Variants in RUFY2 observed in about 807,000 individuals in gnomAD.
The protein encoded by RUFY2 is RUN and FYVE domain-containing protein 2.
A neutral mutation model predicts 94.4 loss-of-function variants in RUFY2; 49 were observed. The observed-to-expected ratio is 0.52, with a 90% CI of 0.41 to 0.66. The LOEUF (loss-of-function observed/expected upper bound fraction) is 0.66. Among genes scored for constraint, RUFY2 ranks in the 30% least tolerant of loss-of-function variants. RUFY2 has a pLI of 0.00. For synonymous variants in RUFY2, 255 were observed against 235.7 expected (o/e 1.08, Z -0.75); for missense variants, 541 against 692.8 (o/e 0.78, Z 2.46).
intron 4 of RUFY2, among the ~76,000 whole-genome samples, chr10:68,395,493 G>A (rs1403188153): frequency 2.0e-5 from 3 of 152,086 alleles, no homozygotes; most frequent in Admixed American, 1.3e-4. Flanking sequence ...TAAAGACTAA[G>A]GTAGAAAATG....
intron 6 of RUFY2, 100 bp from the exon 7 acceptor site, chr10:68,393,303 A>G: frequency 1.7e-6 from 1 of 580,058 alleles, no homozygotes; most frequent in Non-Finnish European, 2.9e-6. Context: ...TAAAATAATA[A>G]AACATTGTCT....
Position 68,345,877 on chromosome 10 carries a change from T to A in RUFY2, c.1712A>T (p.Asn571Ile). 1 of 1,614,132 alleles carries A rather than the reference T, an allele frequency of 6.2e-7. No individual in the cohort carries two copies. The highest frequency in any genetic ancestry group is 8.5e-7 in the Non-Finnish European group (1 of 1,180,010). ...HCRNCGEIFC[N>I]ACSDNELPLP... ...AGGTAGTTCGTTGTCAGAGCAGGCA[T>A]TACAGAAAATTTCCCCACAATTTCT... Residue 571 changes from asparagine to isoleucine, a missense_variant, in exon 18 of 18, where the codon AAT becomes ATT. Around this residue, in one of 3 missense-constraint regions of RUFY2, gnomAD observed 403 missense variants for 480.7 expected, o/e 0.84. Transcript: ENST00000602465.
At chr10:68,342,199 T>G (rs2046009233), downstream of RUFY2, 2 of 574,546 alleles carry the variant, frequency 3.5e-6, no homozygotes, top group Non-Finnish European at 6.0e-6. Flanking sequence ...AGCAACAGAT[T>G]GTGATGGGAA....
chr10:68,393,257 C>G (rs952900388), intron 6 of RUFY2, 54 bp from the exon 7 acceptor site: 3 of 865,542 alleles, frequency 3.5e-6, no homozygotes, highest in Non-Finnish European at 3.6e-6. Context: ...TTATTAAGCA[C>G]AAAAAAATCT....
chr10:68,371,088 C>T (rs554695515), intron 13 of RUFY2, among the ~76,000 whole-genome samples: 11 of 148,644 alleles, frequency 7.4e-5, no homozygotes, highest in South Asian at 6.4e-4. Flanking sequence ...GCTGAGACCG[C>T]GCCACTGCAC....
At chr10:68,403,793 C>CT (rs34271308) in intron 2 of RUFY2, among the ~76,000 whole-genome samples, 5,704 of 140,186 alleles carry the variant, frequency 0.041, 120 homozygotes, top group Non-Finnish European at 0.05. Context: ...ATCTTTGAAT[C>CT]TTTTTTTTTT....
chr10:68,341,888 A>G (rs1564758370), downstream of RUFY2: 1 of 1,590,372 alleles, frequency 6.3e-7, no homozygotes. Context: ...TAGTCCGCAT[A>G]TGTAGTGCAA....
intron 8 of RUFY2, among the ~76,000 whole-genome samples, chr10:68,384,897 C>T (rs1230696238): frequency 6.6e-6 from 1 of 152,100 alleles, no homozygotes; most frequent in East Asian, 1.9e-4. Context: ...GATCAGGAGC[C>T]CAACCATCAA....
chr10:68,392,038 T>C (rs2050035322), intron 7 of RUFY2, among the ~76,000 whole-genome samples: 1 of 151,804 alleles, frequency 6.6e-6, no homozygotes, highest in Non-Finnish European at 1.5e-5. Context: ...TCTTTTTTTT[T>C]TTTGAGACGG....
At chr10:68,346,122 A>C (rs1318720676) in intron 16 of RUFY2, 38 bp from the exon 17 acceptor site, 1 of 1,497,944 alleles carries the variant, frequency 6.7e-7, no homozygotes, top group Non-Finnish European at 9.1e-7. Flanking sequence ...AATTGGTAAC[A>C]CTAAAAATTA....
chr10:68,402,122 C>CTT (rs879793660), intron 2 of RUFY2, among the ~76,000 whole-genome samples: 1 of 143,808 alleles, frequency 7.0e-6, no homozygotes, highest in African/African-American at 2.5e-5. Flanking sequence ...TTTATAATGC[C>CTT]TTTTTTTTTT....
Position 68,401,627 on chromosome 10 carries a change from C to T in RUFY2, c.289G>A (p.Gly97Ser). The T allele has an allele frequency of 6.2e-7, 1 of 1,607,262 alleles. No individual in the cohort carries two copies. Among genetic ancestry groups the T allele is most frequent in the Non-Finnish European group, 8.5e-7 (1 of 1,173,806 alleles). ...EIGASVRDLP[G>S]LKTPLGRARA... ...AGTAATAGGCCTCCTTACTTCAGAC[C>T]AGGTAGATCCCGGACACTAGCTCCT... Residue 97 changes from glycine (G) to serine (S), a missense_variant, in exon 3 of 18, where the codon GGT becomes AGT. Gly to Ser is a moderately conservative substitution (Grantham distance 56). This residue lies in a region of RUFY2 where 85 missense variants were observed against 153.4 expected (regional missense o/e 0.55). Transcript: ENST00000602465.
At chr10:68,392,792 G>A (rs2050100747) in intron 7 of RUFY2, among the ~76,000 whole-genome samples, 1 of 151,262 alleles carries the variant, frequency 6.6e-6, no homozygotes, top group African/African-American at 2.4e-5. Flanking sequence ...ATTAGGTGTG[G>A]TGGTGCGCGC....
At chr10:68,397,598 T>TA (rs1367848112) in intron 3 of RUFY2, among the ~76,000 whole-genome samples, 2 of 143,234 alleles carry the variant, frequency 1.4e-5, no homozygotes, top group East Asian at 2.1e-4. Flanking sequence ...AATTTAAAAA[T>TA]AAAAAAAATT....
chr10:68,349,641 C>T (rs2046526167), intron 16 of RUFY2, among the ~76,000 whole-genome samples: 1 of 150,810 alleles, frequency 6.6e-6, no homozygotes, highest in Non-Finnish European at 1.5e-5. Flanking sequence ...CGGGTTCGCG[C>T]CATTCTCCTG....
intron 12 of RUFY2, 116 bp from the exon 13 acceptor site, chr10:68,377,088 A>C: frequency 6.5e-7 from 1 of 1,535,272 alleles, no homozygotes; most frequent in Non-Finnish European, 8.7e-7. Flanking sequence ...AATGAAAACA[A>C]AGTTTGGGGG....
At chr10:68,384,373 T>C (rs1237677219) in intron 8 of RUFY2, among the ~76,000 whole-genome samples, 2 of 152,232 alleles carry the variant, frequency 1.3e-5, no homozygotes, top group Non-Finnish European at 2.9e-5. Flanking sequence ...ATTCCTACTA[T>C]TTTCTTTTAT....
intron 13 of RUFY2, among the ~76,000 whole-genome samples, chr10:68,369,713 G>T (rs1410388836): frequency 6.6e-6 from 1 of 152,006 alleles, no homozygotes; most frequent in Non-Finnish European, 1.5e-5. Flanking sequence ...CTTGAGTCTA[G>T]GAGTTCAAGA....
At chr10:68,358,639 A>G (rs1259944384) in intron 15 of RUFY2, among the ~76,000 whole-genome samples, 1 of 152,210 alleles carries the variant, frequency 6.6e-6, no homozygotes, top group Non-Finnish European at 1.5e-5. Flanking sequence ...GGCTGGGCAC[A>G]GTGGCTCACA....
Sources: gnomAD v4.1 joint callset for allele counts (sites outside exome capture counted in the v4.1 genomes callset) on GRCh38, gnomAD v4.1.1 for gene constraint, gnomAD v4.1.1 regional missense constraint, MANE v1.5 for transcripts, NCBI Gene and HGNC (gene_info 2026-07-23, HGNC 2026-07-21) for gene names.